The following GRID1 variants were observed in gnomAD, a reference collection of about 807,000 sequenced individuals.
GRID1 encodes glutamate ionotropic receptor delta type subunit 1.
In GRID1, 28 loss-of-function variants were observed where a neutral mutation model predicts 98.0. That is an observed-to-expected ratio of 0.29 (90% CI 0.21 to 0.39). The LOEUF is 0.39. GRID1 is among the 10% of genes least tolerant of loss of function. The probability of loss-of-function intolerance (pLI) is 1.00; values close to 1 mark genes in which losing one functional copy is unlikely to be tolerated. For synonymous variants in GRID1, 553 were observed against 538.5 expected, an observed-to-expected ratio of 1.03 and a Z score of -0.37; for missense variants, 1,111 against 1,340.5, an observed-to-expected ratio of 0.83 and a Z score of 2.67.
intron 4 of GRID1, among the ~76,000 whole-genome samples, chr10:86,135,482 G>C (rs1303968211): frequency 6.6e-6 from 1 of 151,848 alleles, no homozygotes; most frequent in South Asian, 2.1e-4. Flanking sequence ...TCCTCCCTGA[G>C]GGGAGCCTCT....
intron 13 of GRID1, among the ~76,000 whole-genome samples, chr10:85,627,382 C>T (rs375144324): frequency 3.3e-5 from 5 of 152,266 alleles, no homozygotes; most frequent in East Asian, 3.9e-4. Flanking sequence ...ATATGGTAAA[C>T]GCTAAATAAA....
rs567846977 is a variant in GRID1 at position 85,599,894 on chromosome 10, GTC to G, written c.*2377_*2378del. On this transcript the variant is annotated 3_prime_UTR_variant, in exon 16 of 16. Coordinates refer to ENST00000327946, the MANE Select transcript of GRID1 (RefSeq NM_017551.3). ...CAGAATACTTCTCTTGAAGATGCTG[GTC>G]TCTCTCTCTCTCTCTCTCTCTCTCA... 706 of 124,256 alleles carry G rather than the reference GTC, an allele frequency of 5.7e-3. 4 individuals carry two copies. Among genetic ancestry groups the G allele is most frequent in the East Asian group, 0.014 (61 of 4,340 alleles). The allele number at this position is 124,256 out of a possible 1,614,324, so 7.7% of individuals were successfully genotyped here.
chr10:85,843,503 T>C (rs1842979277), intron 8 of GRID1, among the ~76,000 whole-genome samples: 1 of 151,988 alleles, frequency 6.6e-6, no homozygotes, highest in Admixed American at 6.6e-5. Context: ...AAAAGCCAAA[T>C]ACAAATTGCA....
chr10:86,231,792 A>C (rs1293041599), intron 2 of GRID1, among the ~76,000 whole-genome samples: 1 of 152,190 alleles, frequency 6.6e-6, no homozygotes, highest in Admixed American at 6.5e-5. Context: ...TTGGAGACGC[A>C]GTGTCTTCAG....
chr10:85,994,549 G>A (rs1842718540), intron 4 of GRID1, among the ~76,000 whole-genome samples: 1 of 152,234 alleles, frequency 6.6e-6, no homozygotes, highest in South Asian at 2.1e-4. Context: ...CCCAAGGGAT[G>A]CTGGGAGGCC....
At chr10:85,706,350 C>T (rs1385273626) in intron 12 of GRID1, among the ~76,000 whole-genome samples, 1 of 152,140 alleles carries the variant, frequency 6.6e-6, no homozygotes, top group Non-Finnish European at 1.5e-5. Flanking sequence ...CATGAGTGAA[C>T]TCCCATTCAC....
chr10:86,070,517 G>A (rs1039481819), intron 4 of GRID1, among the ~76,000 whole-genome samples: 3 of 152,304 alleles, frequency 2.0e-5, no homozygotes, highest in Middle Eastern at 3.4e-3. Context: ...CATCCTGCCT[G>A]CCATTAGTGT....
intron 4 of GRID1, among the ~76,000 whole-genome samples, chr10:86,026,425 T>C (rs1843118071): frequency 6.6e-6 from 1 of 152,232 alleles, no homozygotes; most frequent in South Asian, 2.1e-4. Flanking sequence ...AACTGCTTGA[T>C]GAGCTGTGGC....
chr10:85,776,077 G>A (rs1223443386), intron 8 of GRID1, among the ~76,000 whole-genome samples: 1 of 151,964 alleles, frequency 6.6e-6, no homozygotes, highest in African/African-American at 2.4e-5. Flanking sequence ...GGTCTAGTTA[G>A]AAGCCATGCA....
chr10:85,683,947 T>G (rs1032125524), intron 12 of GRID1, among the ~76,000 whole-genome samples: 1 of 152,206 alleles, frequency 6.6e-6, no homozygotes, highest in Admixed American at 6.5e-5. Context: ...TTCTGGCAGT[T>G]AGATTACAGC....
intron 2 of GRID1, among the ~76,000 whole-genome samples, chr10:86,343,958 T>C (rs1848346545): frequency 6.6e-6 from 1 of 152,276 alleles, no homozygotes; most frequent in Admixed American, 6.5e-5. Context: ...GGAAAGCACG[T>C]GGCCACGCCT....
At chr10:85,617,242 T>A (rs1321584526) in intron 14 of GRID1, among the ~76,000 whole-genome samples, 5 of 135,916 alleles carry the variant, frequency 3.7e-5, no homozygotes, top group South Asian at 2.8e-4. Flanking sequence ...CCCCCTTTTA[T>A]TTTTTTTGAG....
rs770693495 is a variant in GRID1 at position 85,821,539 on chromosome 10, A to AAAAAAAAAAAAAAGCAAACAAAC, written c.1233+32956_1233+32957insGTTTGTTTGCTTTTTTTTTTTTT. ...CTCAAAAAAAAAAAAAAAAAAAAAA[A>AAAAAAAAAAAAAAGCAAACAAAC]AAAAAAGAAAACAGATCAATAGTTG... On this transcript the variant is annotated intron_variant, in intron 8 of 15. Transcript: ENST00000327946. Among the ~76,000 whole-genome samples, 304 of 97,612 alleles carry AAAAAAAAAAAAAAGCAAACAAAC rather than the reference A, an allele frequency of 3.1e-3. 5 individuals carry two copies. The highest frequency in any genetic ancestry group is 4.5e-3 in the Non-Finnish European group (205 of 45,668). The allele number at this position is 97,612 out of a possible 152,430, so 64.0% of individuals were successfully genotyped here.
At chr10:86,075,774 T>A (rs1025658959) in intron 4 of GRID1, among the ~76,000 whole-genome samples, 1 of 152,260 alleles carries the variant, frequency 6.6e-6, no homozygotes, top group South Asian at 2.1e-4. Context: ...CCTCTGCTCA[T>A]AGGCAAACAG....
At chr10:85,955,806 C>A (rs1189775961) in intron 4 of GRID1, among the ~76,000 whole-genome samples, 1 of 152,184 alleles carries the variant, frequency 6.6e-6, no homozygotes, top group Non-Finnish European at 1.5e-5. Flanking sequence ...GTGGACAGTG[C>A]AGCTGACCTA....
At chr10:85,610,430 A>G (rs902257192) in intron 15 of GRID1, among the ~76,000 whole-genome samples, 2 of 152,176 alleles carry the variant, frequency 1.3e-5, no homozygotes, top group African/African-American at 2.4e-5. Context: ...TCCAGGAGGT[A>G]TGATGACTTT....
chr10:86,063,203 T>TA (rs1031882608), intron 4 of GRID1, among the ~76,000 whole-genome samples: 1 of 152,026 alleles, frequency 6.6e-6, no homozygotes, highest in African/African-American at 2.4e-5. Flanking sequence ...AAGGAGAAAA[T>TA]AAAGCCTGAA....
chr10:85,888,001 T>C (rs747226969), intron 5 of GRID1, among the ~76,000 whole-genome samples: 1 of 152,148 alleles, frequency 6.6e-6, no homozygotes, highest in Non-Finnish European at 1.5e-5. Context: ...AGGAAGCCCA[T>C]AGCAGACCAT....
chr10:85,734,541 G>C (rs919618678), intron 8 of GRID1, among the ~76,000 whole-genome samples: 7 of 152,040 alleles, frequency 4.6e-5, no homozygotes, highest in Admixed American at 4.6e-4. Context: ...TAGGCATCCT[G>C]TACCCTGATA....
Sources: allele counts gnomAD v4.1 joint callset (sites outside exome capture counted in the v4.1 genomes callset), GRCh38; gene constraint gnomAD v4.1.1; transcripts MANE v1.5; gene names NCBI Gene and HGNC (gene_info 2026-07-23, HGNC 2026-07-21).